The following MAN2A2 variants were observed in gnomAD, a reference collection of about 807,000 sequenced individuals.
The protein encoded by MAN2A2 is mannosidase alpha class 2A member 2.
In MAN2A2, 79 loss-of-function variants were observed where a neutral mutation model predicts 126.8. The ratio of observed to expected loss-of-function variants is 0.62; its 90% CI spans 0.52 to 0.75. The LOEUF (loss-of-function observed/expected upper bound fraction) is 0.75, where lower values mean the gene tolerates loss of function less well. Among genes scored for constraint, MAN2A2 ranks in the 30% least tolerant of loss-of-function variants. MAN2A2 has a pLI of 0.00. For missense variants in MAN2A2, 1,392 were observed against 1,522.4 expected (o/e 0.91, Z 1.43); for synonymous variants, 671 against 618.7 (o/e 1.08, Z -1.25).
Position 90,904,290 on chromosome 15 carries a change from G to A in MAN2A2, c.83G>A (p.Arg28Gln). 1 of 1,614,126 alleles carries A rather than the reference G, an allele frequency of 6.2e-7. No homozygotes were observed. The highest frequency in any genetic ancestry group is 8.5e-7 in the Non-Finnish European group (1 of 1,180,034). ...TTCTCGCTCTACCTCATGCTGGACC[G>A]AGTGCAACACGATCCCACCCGACAC... ...AVFSLYLMLD[R>Q]VQHDPTRHQN... Residue 28 changes from arginine (R) to glutamine (Q), a missense_variant, in exon 2 of 23, where the codon CGA (arginine) becomes CAA (glutamine). Physicochemically the swap from Arg to Gln is conservative, Grantham distance 43 (BLOSUM62 1). Coordinates refer to ENST00000559717, the MANE Select transcript of MAN2A2 (RefSeq NM_006122.4).
rs1219552862 is a variant in MAN2A2, at chr15:90,910,499, AG to A, written c.1582del. On this transcript the variant is annotated splice_acceptor_variant, in intron 10 of 22. Coordinates refer to ENST00000559717, the MANE Select transcript of MAN2A2 (RefSeq NM_006122.4). LOFTEE classifies it high-confidence loss of function. The stretch of plus-strand genomic sequence containing the variant: ...TGGCAGCTAACTTCTCTCTCTGGGC[AG>A]GGGGGCAGAGGTTCTGTACAGCCTG... 2 of 1,613,552 alleles carry A rather than the reference AG, an allele frequency of 1.2e-6. No homozygotes were observed. Among genetic ancestry groups the A allele is most frequent in the African/African-American group, 1.3e-5 (1 of 74,902 alleles).
At chr15:90,916,018 G>A (rs558604975) in intron 19 of MAN2A2, 105 bp from the exon 20 acceptor site, 127 of 1,336,184 alleles carry the variant, frequency 9.5e-5, no homozygotes, top group Non-Finnish European at 1.2e-4. Context: ...TCTGTCTCTC[G>A]AGCTGCGCTT....
rs1214931549 is a variant in MAN2A2, at chr15:90,905,404, G to A, written c.286G>A (p.Gly96Ser). 6.2e-7 allele frequency: 1 copy of A among 1,613,854 alleles called. No homozygotes were observed. Among genetic ancestry groups the A allele is most frequent in the Admixed American group, 1.7e-5 (1 of 60,024 alleles). Residue 96 changes from glycine to serine, a missense_variant, in exon 3 of 23, where the codon GGC becomes AGC. Gly to Ser is a moderately conservative substitution (Grantham distance 56). Coordinates refer to ENST00000559717, the MANE Select transcript of MAN2A2 (RefSeq NM_006122.4). ...CATGCTGCCCTACTACACGGTCAAT[G>A]GCTCCTGGGTGGTGCCACCGGAGCC... ...PAMLPYYTVN[G>S]SWVVPPEPRP... is the part of the protein sequence containing the mutation.
In MAN2A2 at chr15:90,912,247, G is replaced by T. The variant is rs776175036; in HGVS notation, c.2314G>T (p.Val772Phe). Reference protein sequence around the residue: ...DFALSNRYMQVWFSGLTGLLK... With the variant: ...DFALSNRYMQFWFSGLTGLLK... ...CGCCCTCAGCAACCGCTACATGCAG[G>T]TCTGGTTCTCAGGCCTTACTGGGCT... The change falls in exon 15 of 23, where the codon GTC (valine) becomes TTC (phenylalanine). Residue 772 changes from valine to phenylalanine, a missense_variant. Physicochemically the swap from Val to Phe is conservative, Grantham distance 50. Coordinates refer to ENST00000559717, the MANE Select transcript of MAN2A2 (RefSeq NM_006122.4). 5 of 1,614,132 alleles carry T rather than the reference G, an allele frequency of 3.1e-6. No homozygotes were observed. In the South Asian group the frequency reaches 5.5e-5, roughly 18 times the overall value.
Position 90,909,559 on chromosome 15 carries a change from C to T in MAN2A2, c.1374+55C>T. 5.9e-6 allele frequency: 9 copies of T among 1,525,808 alleles called. 1 individual carries two copies. In the South Asian group the frequency reaches 8.6e-5, roughly 15 times the overall value. The allele number at this position is 1,525,808 out of a possible 1,614,324, so 94.5% of individuals were successfully genotyped here. ...CTCACAGTGCTGCAGCCCATCCCTT[C>T]CCGTGAGACCGTGCCCTGGGTTCCC... On this transcript the variant is annotated intron_variant, in intron 9 of 22. Coordinates refer to ENST00000559717, the MANE Select transcript of MAN2A2 (RefSeq NM_006122.4).
chr15:90,918,170 C>T (rs1001952257), intron 20 of MAN2A2, 24 bp from the exon 21 acceptor site: 2 of 1,604,474 alleles, frequency 1.2e-6, no homozygotes, highest in African/African-American at 2.7e-5. Context: ...GGTCCCTCAC[C>T]AATATCTCGG....
Position 90,912,060 on chromosome 15 carries a change from C to T in MAN2A2, c.2127C>T (p.Arg709=), listed in dbSNP as rs759817022. The T allele has an allele frequency of 1.2e-6, 2 of 1,612,272 alleles. No homozygotes were observed. The highest frequency in any genetic ancestry group is 2.7e-5 in the African/African-American group (2 of 74,938). Residue 709 remains arginine (R), a synonymous_variant, in exon 15 of 23, where the codon CGC becomes CGT. Transcript: ENST00000559717. Reference sequence around the variant, plus strand: ...GCCCACAGGTGTCTGTGCCTGTCCGCCTGCCAGCCCTGGGCCTGGGCGTGC... The same window carrying T: ...GCCCACAGGTGTCTGTGCCTGTCCGTCTGCCAGCCCTGGGCCTGGGCGTGC... ...PDVYQVSVPV[R]LPALGLGVLQ...
chr15:90,910,377 A>C, intron 10 of MAN2A2, 85 bp downstream of exon 10: 5 of 1,576,220 alleles, frequency 3.2e-6, no homozygotes, highest in Non-Finnish European at 4.3e-6. Context: ...TCAGAAGGGA[A>C]TAGATAGGCC....
At position 90,912,927 on chromosome 15, in the gene MAN2A2, C is replaced by T; in HGVS notation, c.2520C>T (p.Phe840=). ...PPVLRVTEGP[F]FSEVVAYYEH... The stretch of plus-strand genomic sequence containing the variant: ...TGCTGCGTGTCACTGAAGGCCCTTT[C>T]TTCTCAGAGGTGGTTGCGTACTATG... The change falls in exon 17 of 23, where the codon TTC becomes TTT. Residue 840 remains phenylalanine, a synonymous_variant. Coordinates refer to ENST00000559717, the MANE Select transcript of MAN2A2 (RefSeq NM_006122.4). 6.2e-7 allele frequency: 1 copy of T among 1,614,150 alleles called. No individual in the cohort carries two copies. The highest frequency in any genetic ancestry group is 8.5e-7 in the Non-Finnish European group (1 of 1,179,990).
At chr15:90,918,553 T>C (rs964312526) in intron 21 of MAN2A2, 92 bp from the exon 22 acceptor site, 1 of 1,208,624 alleles carries the variant, frequency 8.3e-7, no homozygotes. Flanking sequence ...CACGCCTCCC[T>C]GTGCCAGCAC....
In MAN2A2 at chr15:90,910,485, T is replaced by TTCTC. The variant is rs917670869; in HGVS notation, c.1578-10_1578-7dup. ...CTAGTGGTGCAGGCTGGCAGCTAAC[T>TTCTC]TCTCTCTCTGGGCAGGGGGGCAGAG... On this transcript the variant is annotated splice_polypyrimidine_tract_variant and intron_variant, in intron 10 of 22. Coordinates refer to ENST00000559717, the MANE Select transcript of MAN2A2 (RefSeq NM_006122.4). 6.2e-6 allele frequency: 10 copies of TTCTC among 1,612,952 alleles called. No individual in the cohort carries two copies. In the African/African-American group the frequency reaches 1.3e-4, roughly 22 times the overall value.
chr15:90,914,403 G>A (rs1490714669), intron 19 of MAN2A2, among the ~76,000 whole-genome samples: 1 of 152,258 alleles, frequency 6.6e-6, no homozygotes, highest in Non-Finnish European at 1.5e-5. Context: ...TCTGGGCGGG[G>A]CTGAGAGTAG....
rs778560224 is a variant in MAN2A2, at chr15:90,912,923, C to T, written c.2516C>T (p.Pro839Leu). Reference sequence around the variant, plus strand: ...CCCGTGCTGCGTGTCACTGAAGGCCCTTTCTTCTCAGAGGTGGTTGCGTAC... The same window carrying T: ...CCCGTGCTGCGTGTCACTGAAGGCCTTTTCTTCTCAGAGGTGGTTGCGTAC... ...EPPVLRVTEG[P>L]FFSEVVAYYE... is the part of the protein sequence containing the mutation. Residue 839 changes from proline to leucine, a missense_variant, in exon 17 of 23, where the codon CCT becomes CTT. Pro to Leu is a moderately conservative substitution (Grantham distance 98). Coordinates refer to ENST00000559717, the MANE Select transcript of MAN2A2 (RefSeq NM_006122.4). 3 of 1,614,016 alleles carry T rather than the reference C, an allele frequency of 1.9e-6. No individual in the cohort carries two copies. Among genetic ancestry groups the T allele is most frequent in the African/African-American group, 2.7e-5 (2 of 74,918 alleles).
Position 90,922,139 on chromosome 15 carries a change from T to C in MAN2A2, c.*2352T>C, listed in dbSNP as rs1353056559. The C allele has an allele frequency of 2.0e-5, 3 of 152,104 alleles. No homozygotes were observed. The highest frequency in any genetic ancestry group is 4.4e-5 in the Non-Finnish European group (3 of 68,012). The allele number at this position is 152,104 out of a possible 1,614,324, so 9.4% of individuals were successfully genotyped here. On this transcript the variant is annotated 3_prime_UTR_variant, in exon 23 of 23. Coordinates refer to ENST00000559717, the MANE Select transcript of MAN2A2 (RefSeq NM_006122.4). The stretch of plus-strand genomic sequence containing the variant: ...CTCTGTGTGATGGAAAACATCAAGG[T>C]TAAAACACAAATGACAGATATGGAA...
chr15:90,911,986 C>T (rs1471499306), intron 14 of MAN2A2, 57 bp from the exon 15 acceptor site: 5 of 1,450,480 alleles, frequency 3.4e-6, no homozygotes, highest in Non-Finnish European at 4.8e-6. Flanking sequence ...GCGGATGCCT[C>T]AGCACCCCTG....
chr15:90,905,241 T>G lies in MAN2A2; in HGVS notation c.133-10T>G, dbSNP rs113131528. 2 of 1,610,074 alleles carry G rather than the reference T, an allele frequency of 1.2e-6. No homozygotes were observed. The highest frequency in any genetic ancestry group is 2.2e-5 in the South Asian group (2 of 91,080). On this transcript the variant is annotated splice_polypyrimidine_tract_variant and intron_variant, in intron 2 of 22. Transcript: ENST00000559717. Reference sequence around the variant, plus strand: ...GAGCTGTGTGTGATTGCTTTCTGGTTTTTTGGCAGAGCCAAATTTCTGTGC... The same window carrying G: ...GAGCTGTGTGTGATTGCTTTCTGGTGTTTTGGCAGAGCCAAATTTCTGTGC...
intron 5 of MAN2A2, 21 bp downstream of exon 5, chr15:90,906,037 C>T (rs368107533): frequency 1.2e-6 from 2 of 1,612,840 alleles, no homozygotes; most frequent in Non-Finnish European, 1.7e-6. Context: ...GGCGGGGAGG[C>T]ATGGGAGGGC....
chr15:90,917,609 G>A (rs2035286740), intron 20 of MAN2A2: 1 of 152,964 alleles, frequency 6.5e-6, no homozygotes, highest in African/African-American at 2.4e-5. Flanking sequence ...TGGGAATGCA[G>A]AGGGAAGTGA....
intron 19 of MAN2A2, among the ~76,000 whole-genome samples, chr15:90,914,673 C>G (rs2035031229): frequency 6.6e-6 from 1 of 152,174 alleles, no homozygotes; most frequent in Admixed American, 6.5e-5. Context: ...GCGCCCGCCA[C>G]CATGCGCAGC....
Sources: allele counts gnomAD v4.1 joint callset (sites outside exome capture counted in the v4.1 genomes callset), GRCh38; gene constraint gnomAD v4.1.1; transcripts MANE v1.5; gene names NCBI Gene and HGNC (gene_info 2026-07-23, HGNC 2026-07-21).